The following GSE1 variants were observed in gnomAD, a reference collection of about 807,000 sequenced individuals.
GSE1 encodes the protein genetic suppressor element 1.
Under a neutral mutation model 112.6 loss-of-function variants are expected in GSE1, and 32 were observed. The ratio of observed to expected loss-of-function variants is 0.28; its 90% confidence interval spans 0.21 to 0.38. GSE1 has a LOEUF of 0.38. Among genes scored for constraint, GSE1 ranks in the 10% least tolerant of loss-of-function variants. GSE1 has a pLI of 1.00. For missense variants in GSE1, 2,348 were observed against 1,699.2 expected (o/e 1.38, Z -6.71); for synonymous variants, 1,115 against 735.6 (o/e 1.52, Z -8.35).
intron 1 of GSE1, among the ~76,000 whole-genome samples, chr16:85,223,564 A>G (rs530088211): frequency 1.3e-5 from 2 of 152,214 alleles, no homozygotes; most frequent in South Asian, 4.1e-4. Flanking sequence ...TACACGTGAC[A>G]TAAAATTTGC....
At chr16:85,196,409 A>G (rs2074928095) in intron 1 of GSE1, among the ~76,000 whole-genome samples, 1 of 152,122 alleles carries the variant, frequency 6.6e-6, no homozygotes, top group Admixed American at 6.5e-5. Flanking sequence ...AGGAGAGAGC[A>G]GGGAAGGGAT....
intron 1 of GSE1, among the ~76,000 whole-genome samples, chr16:85,582,580 G>T (rs1309618818): frequency 6.6e-6 from 1 of 152,152 alleles, no homozygotes; most frequent in Admixed American, 6.5e-5. Flanking sequence ...TCCCTCTGGT[G>T]GTCCTCAGTC....
At chr16:85,187,537 A>C (rs2074730543) in intron 1 of GSE1, among the ~76,000 whole-genome samples, 1 of 152,268 alleles carries the variant, frequency 6.6e-6, no homozygotes, top group Admixed American at 6.5e-5. Context: ...AAAGAAGCTG[A>C]GGCCAGCGCG....
At chr16:85,269,507 ACT>A (rs1422619052) in intron 1 of GSE1, among the ~76,000 whole-genome samples, 1 of 148,646 alleles carries the variant, frequency 6.7e-6, no homozygotes, top group African/African-American at 2.4e-5. Context: ...GTAACAAAAC[ACT>A]CTTTCCTGTT....
chr16:85,498,394 C>T (rs2051251866), intron 2 of GSE1, among the ~76,000 whole-genome samples: 1 of 152,132 alleles, frequency 6.6e-6, no homozygotes, highest in Non-Finnish European at 1.5e-5. Context: ...GACATGTACA[C>T]ACATGCACAT....
intron 1 of GSE1, among the ~76,000 whole-genome samples, chr16:85,246,332 C>CACA (rs566558868): frequency 4.2e-4 from 15 of 35,932 alleles, no homozygotes; most frequent in South Asian, 8.0e-4. Flanking sequence ...CACACACACA[C>CACA]CCCCCACACG....
At chr16:85,316,742 C>T (rs1358345033) in intron 1 of GSE1, among the ~76,000 whole-genome samples, 7 of 152,230 alleles carry the variant, frequency 4.6e-5, no homozygotes, top group Non-Finnish European at 1.0e-4. Flanking sequence ...CAGGGGTTAC[C>T]ATCCACAGTG....
At chr16:85,174,479 A>G (rs1376162917) in intron 1 of GSE1, among the ~76,000 whole-genome samples, 2 of 152,210 alleles carry the variant, frequency 1.3e-5, no homozygotes. Context: ...AGCACGATTG[A>G]CAGCCGGGAG....
chr16:85,347,581 C>T (rs62048507), intron 1 of GSE1, among the ~76,000 whole-genome samples: 33,000 of 144,578 alleles, frequency 0.23, 3,812 homozygotes, highest in Middle Eastern at 0.3. Context: ...AAGACCCGTG[C>T]CCCACCCGCC....
At chr16:85,397,789 C>T (rs1388824456) in intron 2 of GSE1, among the ~76,000 whole-genome samples, 2 of 152,194 alleles carry the variant, frequency 1.3e-5, no homozygotes, top group Non-Finnish European at 2.9e-5. Context: ...GGCGCACATC[C>T]CCTGCTGCCC....
intron 1 of GSE1, among the ~76,000 whole-genome samples, chr16:85,219,516 G>A (rs1221419267): frequency 6.6e-6 from 1 of 152,050 alleles, no homozygotes; most frequent in African/African-American, 2.4e-5. Flanking sequence ...AGCTGTCTTG[G>A]ACCACCTTGC....
intron 2 of GSE1, among the ~76,000 whole-genome samples, chr16:85,546,830 G>A (rs1025573735): frequency 2.0e-5 from 3 of 152,218 alleles, no homozygotes; most frequent in Non-Finnish European, 4.4e-5. Context: ...TGTCACCCCT[G>A]GCCCTGTGGG....
chr16:85,414,198 T>C (rs1006993795), intron 2 of GSE1, among the ~76,000 whole-genome samples: 5 of 152,150 alleles, frequency 3.3e-5, no homozygotes, highest in African/African-American at 9.7e-5. Flanking sequence ...GGAGTCAAGC[T>C]AGACACAGAG....
rs141392928 is a variant in GSE1 at position 85,672,503 on chromosome 16, C to T, written c.3618C>T (p.His1206=). 3 of 1,613,036 alleles carry T rather than the reference C, an allele frequency of 1.9e-6. No homozygotes were observed. Among genetic ancestry groups the T allele is most frequent in the South Asian group, 1.1e-5 (1 of 90,966 alleles). The change falls in exon 16 of 16, where the codon CAC becomes CAT. Residue 1206 remains histidine, a synonymous_variant. Transcript: ENST00000253458. ...AGTGCCTTGCCTTGCCTGCAATGCA[C>T]TGGCCTAGGGGCTACCTGAAGGGAT... ...LRKCLALPAM[H]WPRGYLKGYP...
intron 2 of GSE1, among the ~76,000 whole-genome samples, chr16:85,487,224 C>A (rs769367200): frequency 6.6e-6 from 1 of 152,184 alleles, no homozygotes; most frequent in African/African-American, 2.4e-5. Flanking sequence ...CCTCCTCACC[C>A]CCCCAGGAAA....
At chr16:85,661,020 G>A in intron 8 of GSE1, 126 bp from the exon 9 acceptor site, 1 of 784,624 alleles carries the variant, frequency 1.3e-6, no homozygotes, top group Non-Finnish European at 2.1e-6. Context: ...CTGCAGCCCT[G>A]TTGGCACTGG....
At chr16:85,502,113 G>A (rs1010927048) in intron 2 of GSE1, among the ~76,000 whole-genome samples, 11 of 152,182 alleles carry the variant, frequency 7.2e-5, no homozygotes, top group Non-Finnish European at 1.0e-4. Context: ...CTGGCTGCAG[G>A]CGCTGAGCCT....
At chr16:85,417,375 G>A (rs1351928868) in intron 2 of GSE1, among the ~76,000 whole-genome samples, 1 of 146,618 alleles carries the variant, frequency 6.8e-6, no homozygotes, top group Non-Finnish European at 1.5e-5. Flanking sequence ...AGCCTGTCAG[G>A]CCGCTAGTCT....
intron 1 of GSE1, among the ~76,000 whole-genome samples, chr16:85,341,657 T>C (rs1477053799): frequency 6.6e-6 from 1 of 151,838 alleles, no homozygotes; most frequent in Non-Finnish European, 1.5e-5. Context: ...ACTCTGTCTC[T>C]AAATAAAAAT....
Sources: gnomAD v4.1 joint callset for allele counts (sites outside exome capture counted in the v4.1 genomes callset) on GRCh38, gnomAD v4.1.1 for gene constraint, MANE v1.5 for transcripts, NCBI Gene and HGNC (gene_info 2026-07-23, HGNC 2026-07-21) for gene names.